ANKFN1: variants seen among roughly 807,000 people sequenced by gnomAD.
ANKFN1 encodes the protein ankyrin repeat and fibronectin type III domain containing 1.
A neutral mutation model predicts 108.7 loss-of-function variants in ANKFN1; 74 were observed. The ratio of observed to expected loss-of-function variants is 0.68; its 90% CI spans 0.56 to 0.83. The LOEUF (loss-of-function observed/expected upper bound fraction) is 0.83. ANKFN1 is among the 40% of genes least tolerant of loss of function. The probability of loss-of-function intolerance (pLI) is 0.00; values close to 1 mark genes in which losing one functional copy is unlikely to be tolerated. For synonymous variants in ANKFN1, 547 were observed against 516.2 expected, an observed-to-expected ratio of 1.06 and a Z score of -0.81; for missense variants, 1,505 against 1,382.3, an observed-to-expected ratio of 1.09 and a Z score of -1.41.
intron 20 of ANKFN1, among the ~76,000 whole-genome samples, chr17:56,502,249 T>G (rs1368343316): frequency 1.3e-5 from 2 of 152,170 alleles, no homozygotes; most frequent in Non-Finnish European, 2.9e-5. Flanking sequence ...GGGTTCTTAG[T>G]GGATTCCTCC....
At chr17:56,187,140 G>A (rs1344472322) in intron 1 of ANKFN1, among the ~76,000 whole-genome samples, 4 of 152,172 alleles carry the variant, frequency 2.6e-5, no homozygotes, top group Non-Finnish European at 5.9e-5. Context: ...CCATCAGAGT[G>A]AACAGGCAAC....
At chr17:56,444,043 A>T (rs1412905470) in intron 10 of ANKFN1, among the ~76,000 whole-genome samples, 2 of 152,218 alleles carry the variant, frequency 1.3e-5, no homozygotes, top group Non-Finnish European at 2.9e-5. Flanking sequence ...AAATGCAAAC[A>T]AACCAGTCTG....
chr17:56,081,332 T>G (rs1356530453), intron 4 of ANKFN1, among the ~76,000 whole-genome samples: 2 of 79,422 alleles, frequency 2.5e-5, no homozygotes, highest in Non-Finnish European at 6.9e-5. Context: ...AAGGTTTTAT[T>G]TGTTTATTTA....
chr17:56,057,668 C>T (rs115753832), intron 4 of ANKFN1, among the ~76,000 whole-genome samples: 3,097 of 152,196 alleles, frequency 0.02, 95 homozygotes, highest in African/African-American at 0.07. Context: ...CACCTGCAGT[C>T]CCACCTACTT....
chr17:56,292,845 G>T (rs2044401567), intron 3 of ANKFN1, among the ~76,000 whole-genome samples: 1 of 152,160 alleles, frequency 6.6e-6, no homozygotes, highest in African/African-American at 2.4e-5. Flanking sequence ...TTCTCATGCT[G>T]AAAAAGCAAC....
intron 6 of ANKFN1, among the ~76,000 whole-genome samples, chr17:56,355,615 G>A (rs1440849368): frequency 2.0e-5 from 3 of 152,152 alleles, no homozygotes; most frequent in Non-Finnish European, 4.4e-5. Context: ...ATTTACATTA[G>A]AAGATCACCA....
chr17:56,180,368 T>C (rs1287720287), intron 1 of ANKFN1, among the ~76,000 whole-genome samples: 2 of 152,188 alleles, frequency 1.3e-5, no homozygotes, highest in African/African-American at 4.8e-5. Flanking sequence ...TCAAGGTCTC[T>C]TCTGTAAGCC....
intron 8 of ANKFN1, among the ~76,000 whole-genome samples, chr17:56,404,844 TG>T (rs1347750272): frequency 6.6e-6 from 1 of 152,200 alleles, no homozygotes; most frequent in Admixed American, 6.5e-5. Flanking sequence ...TTTTGTTTCA[TG>T]GGGTGTTACC....
At chr17:56,379,470 T>C (rs1446469570) in intron 8 of ANKFN1, among the ~76,000 whole-genome samples, 1 of 152,184 alleles carries the variant, frequency 6.6e-6, no homozygotes, top group South Asian at 2.1e-4. Flanking sequence ...AACTCTATAG[T>C]GAGTTCGATG....
chr17:56,405,784 G>C (rs1254692670), intron 8 of ANKFN1, among the ~76,000 whole-genome samples: 1 of 152,098 alleles, frequency 6.6e-6, no homozygotes, highest in Non-Finnish European at 1.5e-5. Flanking sequence ...AAAATTGAAA[G>C]AGCATATATG....
intron 1 of ANKFN1, among the ~76,000 whole-genome samples, chr17:56,168,325 A>G (rs1910352859): frequency 6.6e-6 from 1 of 151,460 alleles, no homozygotes; most frequent in Non-Finnish European, 1.5e-5. Context: ...GACTCTTAGG[A>G]GAATGAAATG....
At chr17:56,196,543 G>A (rs1232419181) in intron 1 of ANKFN1, among the ~76,000 whole-genome samples, 1 of 151,972 alleles carries the variant, frequency 6.6e-6, no homozygotes, top group African/African-American at 2.4e-5. Context: ...AGACCAGTCT[G>A]GGAAACATAA....
chr17:56,353,917 A>T lies in ANKFN1; in HGVS notation c.472A>T (p.Thr158Ser). ...TGTGCAGATCCTCCTGTATCAGTAC[A>T]CACCAGAAGAACTTGACCTCAACAC... Reference protein sequence around the residue: ...DAVQILLYQYTPEELDLNTPN... With the variant: ...DAVQILLYQYSPEELDLNTPN... The change falls in exon 6 of 21, where the codon ACA becomes TCA. Residue 158 changes from threonine (T) to serine (S), a missense_variant. Transcript: ENST00000682825. The T allele has an allele frequency of 6.2e-7, 1 of 1,614,034 alleles. No homozygotes were observed. The highest frequency in any genetic ancestry group is 8.5e-7 in the Non-Finnish European group (1 of 1,179,972).
chr17:56,221,218 C>G (rs1915873835), intron 2 of ANKFN1, among the ~76,000 whole-genome samples: 1 of 152,150 alleles, frequency 6.6e-6, no homozygotes, highest in African/African-American at 2.4e-5. Context: ...TGGTACTAAA[C>G]CATTCATGGG....
intron 4 of ANKFN1, among the ~76,000 whole-genome samples, chr17:56,330,832 T>C (rs1598414882): frequency 6.6e-6 from 1 of 152,216 alleles, no homozygotes; most frequent in African/African-American, 2.4e-5. Context: ...CATCTTTCTA[T>C]CCTCTTCTTC....
rs574999473 is a variant in ANKFN1, at chr17:56,269,457, A to G, written c.53+41500A>G. The stretch of plus-strand genomic sequence containing the variant: ...CAGATGAGAAAGCTGACTTTGAGAT[A>G]TTATCATTATTGACTTGCCCAAGGT... On this transcript the variant is annotated intron_variant, in intron 3 of 20. Transcript: ENST00000682825. 2.0e-3 allele frequency among the ~76,000 whole-genome samples: 307 copies of G among 152,318 alleles called. 2 individuals are homozygous for G. Among genetic ancestry groups the G allele is most frequent in the African/African-American group, 7.0e-3 (293 of 41,566 alleles).
intron 3 of ANKFN1, among the ~76,000 whole-genome samples, chr17:56,296,686 A>C (rs991147298): frequency 2.0e-5 from 3 of 152,148 alleles, no homozygotes; most frequent in African/African-American, 7.2e-5. Flanking sequence ...TCCGTCTCAA[A>C]AAACAAACAA....
chr17:56,107,714 TG>T (rs1205597442), intron 4 of ANKFN1, among the ~76,000 whole-genome samples: 1 of 152,194 alleles, frequency 6.6e-6, no homozygotes, highest in Non-Finnish European at 1.5e-5. Context: ...GTCTCACACC[TG>T]GCCCCTCCCC....
intron 4 of ANKFN1, among the ~76,000 whole-genome samples, chr17:56,070,142 C>A (rs570496738): frequency 1.6e-4 from 25 of 152,288 alleles, no homozygotes; most frequent in Admixed American, 9.8e-4. Context: ...ACTTAGAATG[C>A]CTTAACCATC....
Sources: gnomAD v4.1 joint callset for allele counts (sites outside exome capture counted in the v4.1 genomes callset) on GRCh38, gnomAD v4.1.1 for gene constraint, MANE v1.5 for transcripts, NCBI Gene and HGNC (gene_info 2026-07-23, HGNC 2026-07-21) for gene names.